The following LHFPL2 variants were observed in gnomAD, a reference collection of about 807,000 sequenced individuals.
LHFPL2 encodes LHFPL tetraspan subfamily member 2 protein.
A neutral mutation model predicts 17.5 loss-of-function variants in LHFPL2; 7 were observed. The ratio of observed to expected loss-of-function variants is 0.40; its 90% CI spans 0.23 to 0.75. The LOEUF is 0.75. Among genes scored for constraint, LHFPL2 ranks in the 30% least tolerant of loss-of-function variants. The pLI is 0.37. For missense variants in LHFPL2, 241 were observed against 294.8 expected, an observed-to-expected ratio of 0.82 and a Z score of 1.34; for synonymous variants, 134 against 116.2, an observed-to-expected ratio of 1.15 and a Z score of -0.99.
intron 3 of LHFPL2, among the ~76,000 whole-genome samples, chr5:78,545,686 A>G (rs550309326): frequency 1.3e-5 from 2 of 152,304 alleles, no homozygotes; most frequent in South Asian, 2.1e-4. Context: ...AGCTTTTCCA[A>G]ATGCACCTAT....
chr5:78,600,119 T>C (rs1393296362), intron 2 of LHFPL2, among the ~76,000 whole-genome samples: 1 of 152,082 alleles, frequency 6.6e-6, no homozygotes, highest in Admixed American at 6.6e-5. Context: ...AAGACTAAAG[T>C]TGATAGCATT....
intron 3 of LHFPL2, among the ~76,000 whole-genome samples, chr5:78,514,794 A>C (rs536831857): frequency 6.6e-6 from 1 of 152,204 alleles, no homozygotes; most frequent in South Asian, 2.1e-4. Context: ...CAATGTTTTG[A>C]AGAACACTAC....
intron 2 of LHFPL2, among the ~76,000 whole-genome samples, chr5:78,580,144 CTTCTT>C (rs1561348941): frequency 6.6e-6 from 1 of 152,084 alleles, no homozygotes; most frequent in Non-Finnish European, 1.5e-5. Flanking sequence ...GCATAAATGT[CTTCTT>C]TTGAGAAGTG....
intron 2 of LHFPL2, among the ~76,000 whole-genome samples, chr5:78,601,469 A>G (rs1744011540): frequency 6.6e-6 from 1 of 152,196 alleles, no homozygotes; most frequent in Admixed American, 6.5e-5. Context: ...ATTAATATTG[A>G]TGGTGAAGGG....
chr5:78,568,518 TAC>T (rs1207681659), intron 2 of LHFPL2, among the ~76,000 whole-genome samples: 1 of 152,180 alleles, frequency 6.6e-6, no homozygotes, highest in African/African-American at 2.4e-5. Flanking sequence ...TTTTATCAGT[TAC>T]AGATTGCTAA....
intron 2 of LHFPL2, among the ~76,000 whole-genome samples, chr5:78,571,445 G>T (rs948822159): frequency 6.6e-6 from 1 of 152,060 alleles, no homozygotes; most frequent in Non-Finnish European, 1.5e-5. Context: ...CTGAGCTCAC[G>T]CAGCTCAGAG....
chr5:78,618,049 C>T (rs1299983778), intron 2 of LHFPL2, among the ~76,000 whole-genome samples: 2 of 151,910 alleles, frequency 1.3e-5, no homozygotes, highest in Non-Finnish European at 2.9e-5. Context: ...CTAAAAAATA[C>T]AAAAATTAGC....
chr5:78,630,904 C>T (rs1039789212), intron 2 of LHFPL2, among the ~76,000 whole-genome samples: 1 of 152,148 alleles, frequency 6.6e-6, no homozygotes, highest in Admixed American at 6.5e-5. Context: ...GAGAATTCAG[C>T]CACCCGGCAG....
At chr5:78,532,748 A>G (rs1198096740) in intron 3 of LHFPL2, among the ~76,000 whole-genome samples, 2 of 151,580 alleles carry the variant, frequency 1.3e-5, no homozygotes, top group East Asian at 3.9e-4. Flanking sequence ...CACTTTTTCC[A>G]TCTTATTAAC....
At chr5:78,553,219 G>A (rs1756493084) in intron 3 of LHFPL2, among the ~76,000 whole-genome samples, 3 of 152,096 alleles carry the variant, frequency 2.0e-5, no homozygotes, top group African/African-American at 4.8e-5. Context: ...CTGCACTTCC[G>A]CATCTCCTTG....
At chr5:78,623,093 C>G (rs1744915065) in intron 2 of LHFPL2, among the ~76,000 whole-genome samples, 1 of 152,142 alleles carries the variant, frequency 6.6e-6, no homozygotes, top group Non-Finnish European at 1.5e-5. Flanking sequence ...AAAATGGAAG[C>G]AAATTCTTAC....
At chr5:78,554,738 C>T (rs1756529024) in intron 3 of LHFPL2, among the ~76,000 whole-genome samples, 1 of 152,230 alleles carries the variant, frequency 6.6e-6, no homozygotes, top group Admixed American at 6.5e-5. Flanking sequence ...CATAAGGAGC[C>T]TGACAGCCTC....
chr5:78,633,183 A>G (rs1745315171), intron 1 of LHFPL2, among the ~76,000 whole-genome samples: 1 of 152,194 alleles, frequency 6.6e-6, no homozygotes, highest in Non-Finnish European at 1.5e-5. Flanking sequence ...AGCTGCCCCA[A>G]ATGCCACATC....
intron 2 of LHFPL2, among the ~76,000 whole-genome samples, chr5:78,597,548 C>A (rs57208874): frequency 6.6e-6 from 1 of 152,088 alleles, no homozygotes; most frequent in African/African-American, 2.4e-5. Flanking sequence ...GGTGAACTGA[C>A]GTAGCAGATT....
chr5:78,572,011 G>A (rs866963235), intron 2 of LHFPL2, among the ~76,000 whole-genome samples: 2 of 152,166 alleles, frequency 1.3e-5, no homozygotes, highest in African/African-American at 4.8e-5. Flanking sequence ...GAATACACGC[G>A]TGGGCAGATG....
At chr5:78,605,134 T>C (rs555638306) in intron 2 of LHFPL2, among the ~76,000 whole-genome samples, 1 of 152,352 alleles carries the variant, frequency 6.6e-6, no homozygotes, top group East Asian at 1.9e-4. Context: ...GAGTGTGTGT[T>C]ACTGGGCTTC....
chr5:78,538,038 C>CT (rs1406263595), intron 3 of LHFPL2, among the ~76,000 whole-genome samples: 1 of 152,202 alleles, frequency 6.6e-6, no homozygotes, highest in Non-Finnish European at 1.5e-5. Flanking sequence ...CCCACTCAGC[C>CT]TAGAGGCTGC....
intron 1 of LHFPL2, among the ~76,000 whole-genome samples, chr5:78,643,501 CT>C (rs1161784752): frequency 6.6e-6 from 1 of 151,570 alleles, no homozygotes; most frequent in East Asian, 1.9e-4. Context: ...GGAAAAATTG[CT>C]GTTTTTTTTT....
At chr5:78,511,009 G>C (rs955200980) in intron 3 of LHFPL2, among the ~76,000 whole-genome samples, 6 of 151,656 alleles carry the variant, frequency 4.0e-5, no homozygotes, top group African/African-American at 1.5e-4. Context: ...ACATGTAAAA[G>C]AATAAACAAA....
Sources: allele counts gnomAD v4.1 joint callset (sites outside exome capture counted in the v4.1 genomes callset), GRCh38; gene constraint gnomAD v4.1.1; transcripts MANE v1.5; gene names NCBI Gene and HGNC (gene_info 2026-07-23, HGNC 2026-07-21).